The following TENM3 variants were observed in gnomAD, a reference collection of about 807,000 sequenced individuals.
The protein encoded by TENM3 is teneurin transmembrane protein 3, also known as teneurin-3.
A neutral mutation model predicts 255.1 loss-of-function variants in TENM3; 63 were observed. That is an observed-to-expected ratio of 0.25 (90% confidence interval 0.20 to 0.30). The LOEUF (loss-of-function observed/expected upper bound fraction) is 0.30. TENM3 is among the 10% of genes least tolerant of loss of function. The pLI is 1.00. For synonymous variants in TENM3, 1,306 were observed against 1,322.3 expected (o/e 0.99, Z 0.27); for missense variants, 2,929 against 3,461.1 (o/e 0.85, Z 3.86).
the TENM3 span, among the ~76,000 whole-genome samples, chr4:181,597,668 G>A: frequency 6.6e-6 from 1 of 151,964 alleles, no homozygotes; most frequent in Admixed American, 6.6e-5. Context: ...GCTTACCAAA[G>A]GTTCCCTCAA....
intron 3 of TENM3, among the ~76,000 whole-genome samples, chr4:182,542,074 A>C (rs1306470725): frequency 6.6e-6 from 1 of 152,102 alleles, no homozygotes; most frequent in African/African-American, 2.4e-5. Context: ...AAAAAAGAAA[A>C]AGTAGTGACA....
the TENM3 span, among the ~76,000 whole-genome samples, chr4:181,585,547 C>A: frequency 6.6e-6 from 1 of 152,144 alleles, no homozygotes; most frequent in Non-Finnish European, 1.5e-5. Flanking sequence ...ACTTTCCCTC[C>A]GGCAAGGCAA....
chr4:182,112,924 A>T, the TENM3 span, among the ~76,000 whole-genome samples: 1 of 152,218 alleles, frequency 6.6e-6, no homozygotes, highest in Admixed American at 6.5e-5. Flanking sequence ...CTCTACTGCT[A>T]ACAGTCTGGA....
the TENM3 span, among the ~76,000 whole-genome samples, chr4:181,670,631 G>T: frequency 6.6e-6 from 1 of 152,166 alleles, no homozygotes; most frequent in African/African-American, 2.4e-5. Context: ...TGTGTACTTG[G>T]TTGTAGGGCA....
chr4:181,896,592 A>G, the TENM3 span, among the ~76,000 whole-genome samples: 4 of 152,214 alleles, frequency 2.6e-5, no homozygotes, highest in Non-Finnish European at 5.9e-5. Flanking sequence ...ATCTGAAGCC[A>G]TGGTACACTC....
At chr4:182,270,360 C>T (rs1044382884) in intron 1 of TENM3, among the ~76,000 whole-genome samples, 1 of 152,172 alleles carries the variant, frequency 6.6e-6, no homozygotes, top group Non-Finnish European at 1.5e-5. Context: ...TGATTTCCTT[C>T]AAGGTCTGCT....
At chr4:182,236,158 G>A (rs981626421) in intron 1 of TENM3, among the ~76,000 whole-genome samples, 1 of 152,072 alleles carries the variant, frequency 6.6e-6, no homozygotes, top group South Asian at 2.1e-4. Context: ...TTTCCCCCAA[G>A]AGCAAAAATT....
the TENM3 span, among the ~76,000 whole-genome samples, chr4:182,013,452 A>G: frequency 7.2e-5 from 11 of 152,356 alleles, no homozygotes; most frequent in South Asian, 2.3e-3. Flanking sequence ...ACAGAAGAAT[A>G]TCAGTACCAT....
Position 182,736,848 on chromosome 4 carries a change from A to G in TENM3, c.3008A>G (p.Lys1003Arg). Residue 1003 changes from lysine to arginine, a missense_variant, in exon 17 of 28, where the codon AAA becomes AGA. Lys to Arg is a conservative substitution (Grantham distance 26). Around this residue, in one of 6 missense-constraint regions of TENM3, gnomAD observed 1,608 missense variants for 1,884.4 expected, o/e 0.85. Transcript: ENST00000511685. ...EETTIPGTDLKLSYLSSRAAG... is the reference protein window; with the variant it reads ...EETTIPGTDLRLSYLSSRAAG... ...ACTACAATTCCAGGAACAGATTTGA[A>G]ACTCTCCTACTTGAGTTCCAGAGCT... The G allele has an allele frequency of 6.2e-7, 1 of 1,613,728 alleles. No individual in the cohort carries two copies. Among genetic ancestry groups the G allele is most frequent in the Non-Finnish European group, 8.5e-7 (1 of 1,179,782 alleles).
chr4:182,209,518 C>T (rs543504141), intron 1 of TENM3, among the ~76,000 whole-genome samples: 1 of 152,156 alleles, frequency 6.6e-6, no homozygotes, highest in Non-Finnish European at 1.5e-5. Flanking sequence ...TCCTTTGACA[C>T]TGCTAGGAGC....
At position 182,628,631 on chromosome 4, in the gene TENM3, G is replaced by A. The variant is rs1751057264; in HGVS notation, c.750-20G>A. ...TCGTAACATATTTGTATCTTATAAT[G>A]ATATTCTCCTTTTCCACAGGCATTT... On this transcript the variant is annotated intron_variant, in intron 4 of 27. Transcript: ENST00000511685. The A allele has an allele frequency of 7.0e-7, 1 of 1,432,948 alleles. No individual in the cohort carries two copies. Among genetic ancestry groups the A allele is most frequent in the Non-Finnish European group, 9.6e-7 (1 of 1,036,354 alleles). 88.8% of individuals were successfully genotyped at this position (1,432,948 alleles called of 1,614,324 possible).
chr4:181,656,704 G>A, the TENM3 span, among the ~76,000 whole-genome samples: 1 of 152,206 alleles, frequency 6.6e-6, no homozygotes, highest in African/African-American at 2.4e-5. Context: ...TGTAAAAATA[G>A]CAGGGGTGGA....
chr4:182,363,201 G>C (rs1424693058), intron 3 of TENM3, among the ~76,000 whole-genome samples: 1 of 152,062 alleles, frequency 6.6e-6, no homozygotes, highest in African/African-American at 2.4e-5. Flanking sequence ...CAGAACTATA[G>C]GATTGCTGTC....
At chr4:181,884,185 C>G in the TENM3 span, among the ~76,000 whole-genome samples, 2 of 152,118 alleles carry the variant, frequency 1.3e-5, no homozygotes, top group South Asian at 2.1e-4. Context: ...TGTGGCTACC[C>G]TGGTTAGTTC....
At chr4:182,062,406 C>A in the TENM3 span, among the ~76,000 whole-genome samples, 3 of 152,124 alleles carry the variant, frequency 2.0e-5, no homozygotes, top group Non-Finnish European at 4.4e-5. Context: ...CGATAAAATC[C>A]ATCAATGCGT....
chr4:181,673,845 G>GGTGTGTGTGTGT, the TENM3 span, among the ~76,000 whole-genome samples: 3 of 137,348 alleles, frequency 2.2e-5, no homozygotes, highest in African/African-American at 8.5e-5. Context: ...AGAAGTGTGT[G>GGTGTGTGTGTGT]GTGTGTGTGT....
chr4:182,497,463 AGT>A (rs1735887808), intron 3 of TENM3, among the ~76,000 whole-genome samples: 1 of 152,220 alleles, frequency 6.6e-6, no homozygotes, highest in Non-Finnish European at 1.5e-5. Flanking sequence ...ATTTAAGTAT[AGT>A]GTGTCTTTTA....
chr4:181,586,893 A>G, the TENM3 span, among the ~76,000 whole-genome samples: 1 of 151,960 alleles, frequency 6.6e-6, no homozygotes, highest in Non-Finnish European at 1.5e-5. Flanking sequence ...AAAGAAGCAG[A>G]TCATTATTTT....
At chr4:181,722,933 C>G in the TENM3 span, among the ~76,000 whole-genome samples, 1 of 151,946 alleles carries the variant, frequency 6.6e-6, no homozygotes, top group Non-Finnish European at 1.5e-5. Context: ...CCACAATGGG[C>G]CAGGCTAGAT....
Sources: gnomAD v4.1 joint callset for allele counts (sites outside exome capture counted in the v4.1 genomes callset) on GRCh38, gnomAD v4.1.1 for gene constraint, gnomAD v4.1.1 regional missense constraint, MANE v1.5 for transcripts, NCBI Gene and HGNC (gene_info 2026-07-23, HGNC 2026-07-21) for gene names.